Variants in LRP1B observed in about 807,000 individuals in gnomAD.
The protein encoded by LRP1B is low-density lipoprotein receptor-related protein 1B.
In LRP1B, 217 loss-of-function variants were observed where a neutral mutation model predicts 556.6. The observed-to-expected ratio is 0.39, with a 90% CI of 0.35 to 0.44. LRP1B has a LOEUF of 0.44. Ranked by LOEUF, LRP1B falls within the 20% of genes least tolerant of loss-of-function variation. The probability of loss-of-function intolerance (pLI) is 1.00; values close to 1 mark genes in which losing one functional copy is unlikely to be tolerated. For missense variants in LRP1B, 5,053 were observed against 5,620.8 expected, an observed-to-expected ratio of 0.90 and a Z score of 3.23; for synonymous variants, 2,047 against 1,865.8, an observed-to-expected ratio of 1.10 and a Z score of -2.50.
intron 71 of LRP1B, among the ~76,000 whole-genome samples, chr2:140,366,938 A>C (rs1682787972): frequency 6.6e-6 from 1 of 151,716 alleles, no homozygotes; most frequent in South Asian, 2.1e-4. Flanking sequence ...GGAGAGCAAA[A>C]GAGTAATTAA....
At chr2:141,187,413 C>T (rs1351590228) in intron 7 of LRP1B, among the ~76,000 whole-genome samples, 1 of 152,074 alleles carries the variant, frequency 6.6e-6, no homozygotes, top group East Asian at 1.9e-4. Context: ...TGAATGGAGG[C>T]TTATGGCAGT....
intron 2 of LRP1B, among the ~76,000 whole-genome samples, chr2:141,562,529 T>C (rs1686195990): frequency 6.6e-6 from 1 of 151,944 alleles, no homozygotes; most frequent in Non-Finnish European, 1.5e-5. Context: ...TACTTAATAT[T>C]ATCTCTGGCA....
intron 2 of LRP1B, among the ~76,000 whole-genome samples, chr2:141,802,980 C>T (rs1224909966): frequency 2.6e-5 from 4 of 152,034 alleles, no homozygotes; most frequent in African/African-American, 9.7e-5. Flanking sequence ...CAGTTGTTTC[C>T]AGAATTCCTG....
chr2:140,314,183 C>T (rs2105034113), intron 83 of LRP1B, among the ~76,000 whole-genome samples: 1 of 152,056 alleles, frequency 6.6e-6, no homozygotes, highest in African/African-American at 2.4e-5. Flanking sequence ...ATGGTAGTAA[C>T]ATTAAGTGCT....
chr2:141,093,172 G>A (rs942515495), intron 7 of LRP1B, among the ~76,000 whole-genome samples: 1 of 152,092 alleles, frequency 6.6e-6, no homozygotes, highest in Admixed American at 6.6e-5. Flanking sequence ...AGTAGCCAGA[G>A]AGAGTAGAAG....
At chr2:141,089,510 A>G (rs1279808680) in intron 7 of LRP1B, among the ~76,000 whole-genome samples, 31 of 152,220 alleles carry the variant, frequency 2.0e-4, no homozygotes, top group Admixed American at 2.0e-3. Context: ...TGAATCCAGA[A>G]AAATGAAAAT....
intron 43 of LRP1B, among the ~76,000 whole-genome samples, chr2:140,573,082 A>G (rs1008472568): frequency 2.6e-5 from 4 of 151,808 alleles, no homozygotes; most frequent in African/African-American, 9.7e-5. Context: ...GTTCTATAGC[A>G]CTGTAGGGTG....
Position 141,437,030 on chromosome 2 carries a change from AT to A in LRP1B, c.343+43365del, listed in dbSNP as rs1490620057. 6.6e-5 allele frequency among the ~76,000 whole-genome samples: 10 copies of A among 152,230 alleles called. No individual in the cohort carries two copies. The South Asian group carries it at 1.5e-3, about 22-fold the overall frequency. On this transcript the variant is annotated intron_variant, in intron 3 of 90. Coordinates refer to ENST00000389484, the MANE Select transcript of LRP1B (RefSeq NM_018557.3). ...TGCTAACTCCCATTAATGGAAATGG[AT>A]GCATGAATGACCCACATTTTACTGA...
intron 3 of LRP1B, among the ~76,000 whole-genome samples, chr2:141,306,077 G>T (rs945237928): frequency 1.3e-5 from 2 of 151,980 alleles, no homozygotes; most frequent in African/African-American, 4.8e-5. Flanking sequence ...GTCTGGTTTT[G>T]GTATCAGGGT....
Position 140,904,338 on chromosome 2 carries a change from T to A in LRP1B, c.3521-1173A>T, listed in dbSNP as rs79692055. On this transcript the variant is annotated intron_variant, in intron 22 of 90. Transcript: ENST00000389484. ...AAATAAGGCTGAAAGAAGCTTTGTC[T>A]TTCTTGGCTTTAAAAATATTTTCAA... 6.6e-5 allele frequency among the ~76,000 whole-genome samples: 10 copies of A among 152,276 alleles called. No homozygotes were observed. In the East Asian group the frequency reaches 1.7e-3, roughly 26 times the overall value.
At chr2:141,681,977 C>A (rs1408153576) in intron 2 of LRP1B, among the ~76,000 whole-genome samples, 2 of 152,174 alleles carry the variant, frequency 1.3e-5, no homozygotes, top group Non-Finnish European at 2.9e-5. Flanking sequence ...TTTGATATCA[C>A]TGTCTTTGTA....
At chr2:141,115,170 T>C (rs940319574) in intron 7 of LRP1B, among the ~76,000 whole-genome samples, 6 of 149,322 alleles carry the variant, frequency 4.0e-5, no homozygotes, top group Non-Finnish European at 8.9e-5. Context: ...AAAAAAAGCA[T>C]GTGGACTTTC....
At chr2:140,378,833 G>A (rs775513991) in intron 67 of LRP1B, among the ~76,000 whole-genome samples, 1 of 152,102 alleles carries the variant, frequency 6.6e-6, no homozygotes, top group Admixed American at 6.6e-5. Flanking sequence ...ATTACACAAA[G>A]CTAGTTTGTA....
At chr2:141,311,965 C>T (rs181190849) in intron 3 of LRP1B, among the ~76,000 whole-genome samples, 28 of 152,086 alleles carry the variant, frequency 1.8e-4, no homozygotes, top group African/African-American at 6.8e-4. Context: ...TTTGGAGGAG[C>T]AGGCTAGATG....
intron 2 of LRP1B, among the ~76,000 whole-genome samples, chr2:141,624,636 T>C (rs1184812782): frequency 1.3e-5 from 2 of 152,186 alleles, no homozygotes; most frequent in Non-Finnish European, 2.9e-5. Context: ...TGCCAACAGA[T>C]TAGCAGATTT....
At chr2:140,484,087 G>A (rs973055988) in intron 59 of LRP1B, among the ~76,000 whole-genome samples, 8 of 152,016 alleles carry the variant, frequency 5.3e-5, no homozygotes, top group Non-Finnish European at 5.9e-5. Context: ...TAGTGATTCC[G>A]TTTAAATTAA....
At chr2:141,767,734 G>T (rs556519769) in intron 2 of LRP1B, among the ~76,000 whole-genome samples, 1 of 152,104 alleles carries the variant, frequency 6.6e-6, no homozygotes, top group Admixed American at 6.6e-5. Flanking sequence ...GGGAGCCAGA[G>T]AATTGAGAAA....
intron 35 of LRP1B, among the ~76,000 whole-genome samples, chr2:140,722,070 C>T (rs1429729168): frequency 1.3e-5 from 2 of 152,074 alleles, no homozygotes; most frequent in Non-Finnish European, 2.9e-5. Flanking sequence ...TTGACTTCTA[C>T]TACCTTAGAT....
chr2:140,390,161 T>C lies in LRP1B; in HGVS notation c.10415-4152A>G, dbSNP rs574617152. ...AAACAAACAGAAAAAAAAATGGAAA[T>C]GCAAAGGTTGTAGAATAATCAAACA... On this transcript the variant is annotated intron_variant, in intron 66 of 90. Transcript: ENST00000389484. Among the ~76,000 whole-genome samples the C allele has an allele frequency of 2.0e-4, 31 of 151,554 alleles. No homozygotes were observed. The South Asian group carries it at 6.3e-3, about 31-fold the overall frequency.
Sources: gnomAD v4.1 joint callset for allele counts (sites outside exome capture counted in the v4.1 genomes callset) on GRCh38, gnomAD v4.1.1 for gene constraint, MANE v1.5 for transcripts, NCBI Gene and HGNC (gene_info 2026-07-23, HGNC 2026-07-21) for gene names.